Variants in LRRTM4 observed in about 807,000 individuals in gnomAD.
LRRTM4 encodes the protein leucine-rich repeat transmembrane neuronal protein 4.
In LRRTM4, 25 loss-of-function variants were observed where a neutral mutation model predicts 47.6. That is an observed-to-expected ratio of 0.53 (90% confidence interval 0.38 to 0.73). LRRTM4 has a LOEUF of 0.73. LRRTM4 is among the 30% of genes least tolerant of loss of function. The pLI is 0.00. For missense variants in LRRTM4, 638 were observed against 713.4 expected (o/e 0.89, Z 1.20); for synonymous variants, 311 against 269.5 (o/e 1.15, Z -1.51).
At chr2:77,106,783 TTAA>T (rs1244121327) in intron 3 of LRRTM4, among the ~76,000 whole-genome samples, 1 of 151,804 alleles carries the variant, frequency 6.6e-6, no homozygotes, top group Non-Finnish European at 1.5e-5. Flanking sequence ...GTTGCCAATA[TTAA>T]TGATAATAAT....
At chr2:76,862,038 T>C (rs912479002) in intron 3 of LRRTM4, among the ~76,000 whole-genome samples, 1 of 152,060 alleles carries the variant, frequency 6.6e-6, no homozygotes, top group Non-Finnish European at 1.5e-5. Context: ...TATATTTATA[T>C]ACAGCCACAG....
intron 3 of LRRTM4, among the ~76,000 whole-genome samples, chr2:77,446,277 T>C (rs908724836): frequency 1.3e-5 from 2 of 151,994 alleles, no homozygotes; most frequent in African/African-American, 4.8e-5. Flanking sequence ...TTGTGTATTG[T>C]AGGATGTACA....
intron 3 of LRRTM4, among the ~76,000 whole-genome samples, chr2:77,223,447 T>C (rs1674703808): frequency 6.6e-6 from 1 of 152,176 alleles, no homozygotes. Context: ...CATGATTGTA[T>C]ATCTAGAAAA....
intron 3 of LRRTM4, among the ~76,000 whole-genome samples, chr2:77,048,093 T>C (rs1679294058): frequency 6.6e-6 from 1 of 152,080 alleles, no homozygotes; most frequent in Non-Finnish European, 1.5e-5. Context: ...TATTTTGCTA[T>C]GTCATGAAAA....
intron 3 of LRRTM4, among the ~76,000 whole-genome samples, chr2:77,429,448 C>G (rs577745761): frequency 2.0e-4 from 30 of 152,094 alleles, no homozygotes; most frequent in African/African-American, 6.8e-4. Context: ...CAGAATCAAC[C>G]TAAGTGTCCA....
chr2:76,920,637 G>T (rs1674400063), intron 3 of LRRTM4, among the ~76,000 whole-genome samples: 1 of 146,000 alleles, frequency 6.8e-6, no homozygotes, highest in African/African-American at 2.5e-5. Flanking sequence ...CTTGGAGCTG[G>T]TTTGTTGGTT....
intron 3 of LRRTM4, among the ~76,000 whole-genome samples, chr2:76,870,137 A>C (rs1672581733): frequency 6.6e-6 from 1 of 152,158 alleles, no homozygotes; most frequent in African/African-American, 2.4e-5. Flanking sequence ...TTCTCACCAG[A>C]AAGACAGATG....
Position 76,942,674 on chromosome 2 carries a change from A to ATGTGTGTG in LRRTM4, c.1552-193759_1552-193758insCACACACA, listed in dbSNP as rs750604219. ...TTGGTCAAGTAACCAACCTCTAGGA[A>ATGTGTGTG]TCTGTGTGTGTGTGTGTGTGTGTGT... On this transcript the variant is annotated intron_variant, in intron 3 of 3. Transcript: ENST00000409884. Among the ~76,000 whole-genome samples the ATGTGTGTG allele has an allele frequency of 8.4e-3, 1,034 of 123,328 alleles. 7 individuals are homozygous for ATGTGTGTG. Among genetic ancestry groups the ATGTGTGTG allele is most frequent in the African/African-American group, 0.017 (529 of 31,336 alleles). 80.9% of individuals were successfully genotyped at this position (123,328 alleles called of 152,430 possible).
chr2:77,053,348 A>G (rs1455485795), intron 3 of LRRTM4, among the ~76,000 whole-genome samples: 1 of 152,184 alleles, frequency 6.6e-6, no homozygotes, highest in African/African-American at 2.4e-5. Context: ...AGGATGATGG[A>G]TAGGAAAAAA....
chr2:76,851,139 G>A (rs1294418185), intron 3 of LRRTM4, among the ~76,000 whole-genome samples: 1 of 152,112 alleles, frequency 6.6e-6, no homozygotes, highest in African/African-American at 2.4e-5. Context: ...CTCGTGCTTG[G>A]GCTTGCAGGT....
At position 77,033,763 on chromosome 2, in the gene LRRTM4, A is replaced by G. The variant is rs186867582; in HGVS notation, c.1552-284847T>C. Among the ~76,000 whole-genome samples the G allele has an allele frequency of 1.2e-3, 187 of 151,982 alleles. 1 individual carries two copies. Among genetic ancestry groups the G allele is most frequent in the African/African-American group, 4.4e-3 (181 of 41,520 alleles). On this transcript the variant is annotated intron_variant, in intron 3 of 3. Transcript: ENST00000409884. ...ATAGGGCTGTTTTGTTTTATGCTAT[A>G]TATGTGGCTTGTTTGTCTCTTAAAA... is the stretch of plus-strand genomic sequence containing the variant.
intron 3 of LRRTM4, among the ~76,000 whole-genome samples, chr2:77,208,986 A>G: frequency 6.6e-6 from 1 of 152,166 alleles, no homozygotes; most frequent in East Asian, 1.9e-4. Context: ...TAATTTTACC[A>G]GGTGAAATTT....
chr2:76,775,399 C>T lies in LRRTM4; in HGVS notation c.1552-26483G>A, dbSNP rs79164811. 4.3e-3 allele frequency among the ~76,000 whole-genome samples: 657 copies of T among 152,204 alleles called. 5 individuals carry two copies. The highest frequency in any genetic ancestry group is 0.015 in the African/African-American group (628 of 41,528). ...GAAATGCATTTGAGGGCAAGTAGACCATGTAGATGCCTTTGGTGCTGAACT... is the reference window on the plus strand; with the variant it reads ...GAAATGCATTTGAGGGCAAGTAGACTATGTAGATGCCTTTGGTGCTGAACT... On this transcript the variant is annotated intron_variant, in intron 3 of 3. Transcript: ENST00000409884.
intron 3 of LRRTM4, among the ~76,000 whole-genome samples, chr2:77,127,774 G>A (rs1671685063): frequency 6.6e-6 from 1 of 152,206 alleles, no homozygotes; most frequent in Non-Finnish European, 1.5e-5. Context: ...AAAGACAGTA[G>A]TATCCCTGAT....
intron 3 of LRRTM4, among the ~76,000 whole-genome samples, chr2:76,898,326 G>A (rs114150939): frequency 6.6e-6 from 1 of 151,976 alleles, no homozygotes; most frequent in African/African-American, 2.4e-5. Context: ...GAAATCAGCA[G>A]ATTACATAGC....
At chr2:77,198,553 G>A (rs1673889922) in intron 3 of LRRTM4, among the ~76,000 whole-genome samples, 1 of 152,144 alleles carries the variant, frequency 6.6e-6, no homozygotes, top group African/African-American at 2.4e-5. Flanking sequence ...ATCAATTGAA[G>A]TTGAACATTT....
chr2:77,180,085 T>A (rs1464159500), intron 3 of LRRTM4, among the ~76,000 whole-genome samples: 1 of 152,182 alleles, frequency 6.6e-6, no homozygotes, highest in Non-Finnish European at 1.5e-5. Flanking sequence ...GATATCAATG[T>A]ATAAGAAGTT....
chr2:77,384,967 A>T (rs1448220587), intron 3 of LRRTM4, among the ~76,000 whole-genome samples: 1 of 152,160 alleles, frequency 6.6e-6, no homozygotes, highest in Admixed American at 6.6e-5. Flanking sequence ...ATTTACAGAG[A>T]ACCAATTCTT....
rs377122413 is a variant in LRRTM4, at chr2:77,345,717, G to C, written c.1551+172601C>G. On this transcript the variant is annotated intron_variant, in intron 3 of 3. Coordinates refer to ENST00000409884, the MANE Select transcript of LRRTM4 (RefSeq NM_001134745.3). ...TGCAGGTGGGAATGCAAAATGATAA[G>C]AGTTACTCTGAAAACCATTTGGAAG... Among the ~76,000 whole-genome samples the C allele has an allele frequency of 5.0e-4, 76 of 151,820 alleles. 1 individual carries two copies. In the South Asian group the frequency reaches 0.016, roughly 31 times the overall value.
Sources: gnomAD v4.1 joint callset for allele counts (sites outside exome capture counted in the v4.1 genomes callset) on GRCh38, gnomAD v4.1.1 for gene constraint, MANE v1.5 for transcripts, NCBI Gene and HGNC (gene_info 2026-07-23, HGNC 2026-07-21) for gene names.